Variants in C1QTNF3 observed in about 807,000 individuals in gnomAD.
C1QTNF3 encodes the protein C1q and TNF related 3.
A neutral mutation model predicts 32.6 loss-of-function variants in C1QTNF3; 26 were observed. The ratio of observed to expected loss-of-function variants is 0.80; its 90% CI spans 0.58 to 1.11. C1QTNF3 has a LOEUF of 1.11. Ranked by LOEUF, C1QTNF3 falls within the 50% of genes least tolerant of loss-of-function variation. The probability of loss-of-function intolerance (pLI) is 0.00; values close to 1 mark genes in which losing one functional copy is unlikely to be tolerated. For missense variants in C1QTNF3, 362 were observed against 398.2 expected (o/e 0.91, Z 0.77); for synonymous variants, 155 against 146.0 (o/e 1.06, Z -0.44).
At chr5:34,171,281 T>C in the C1QTNF3 span, among the ~76,000 whole-genome samples, 17 of 151,772 alleles carry the variant, frequency 1.1e-4, no homozygotes. Flanking sequence ...TTTCAGCAAG[T>C]TTATAAATCT....
the C1QTNF3 span, among the ~76,000 whole-genome samples, chr5:34,139,606 A>T: frequency 0.53 from 79,590 of 150,900 alleles, 22,187 homozygotes; most frequent in Middle Eastern, 0.62. Context: ...GAAACAATAT[A>T]TTTTTTTTTA....
At chr5:34,159,788 AAAAGT>A in the C1QTNF3 span, among the ~76,000 whole-genome samples, 6 of 152,008 alleles carry the variant, frequency 3.9e-5, no homozygotes, top group Non-Finnish European at 7.4e-5. Flanking sequence ...AGATATATAC[AAAAGT>A]AAATAATTCA....
intron 4 of C1QTNF3, among the ~76,000 whole-genome samples, chr5:34,026,588 A>AGT (rs765684691): frequency 9.9e-5 from 15 of 152,106 alleles, no homozygotes; most frequent in Non-Finnish European, 1.0e-4. Context: ...AGGTAGTGGA[A>AGT]GTGTGACCAA....
upstream of C1QTNF3, among the ~76,000 whole-genome samples, chr5:34,044,907 T>G (rs116358193): frequency 6.6e-5 from 10 of 152,188 alleles, no homozygotes; most frequent in African/African-American, 2.4e-4. Flanking sequence ...TGTGTCAAAC[T>G]GTTATTCTTA....
the C1QTNF3 span, among the ~76,000 whole-genome samples, chr5:34,141,755 T>A: frequency 6.6e-6 from 1 of 152,080 alleles, no homozygotes; most frequent in Admixed American, 6.5e-5. Context: ...GTGGTGTCAG[T>A]CAAATGGTAT....
At chr5:34,228,245 T>C in the C1QTNF3 span, among the ~76,000 whole-genome samples, 2 of 151,894 alleles carry the variant, frequency 1.3e-5, no homozygotes, top group South Asian at 2.1e-4. Flanking sequence ...CTAAACCAAG[T>C]GTCTAGGAAT....
chr5:34,047,402 G>T (rs1755005564), upstream of C1QTNF3, among the ~76,000 whole-genome samples: 3 of 152,260 alleles, frequency 2.0e-5, no homozygotes, highest in African/African-American at 7.2e-5. Flanking sequence ...TATAAGATGT[G>T]TAGGTACTCC....
chr5:34,114,743 T>G, the C1QTNF3 span, among the ~76,000 whole-genome samples: 1 of 152,188 alleles, frequency 6.6e-6, no homozygotes, highest in African/African-American at 2.4e-5. Context: ...TAGTAATAAA[T>G]TTCTGCACTT....
chr5:34,110,984 G>A, the C1QTNF3 span, among the ~76,000 whole-genome samples: 9 of 152,036 alleles, frequency 5.9e-5, no homozygotes, highest in Admixed American at 5.9e-4. Flanking sequence ...TCTTGTGCTG[G>A]AAACCTACAT....
the C1QTNF3 span, among the ~76,000 whole-genome samples, chr5:34,121,617 A>G: frequency 6.4e-4 from 97 of 152,294 alleles, no homozygotes; most frequent in African/African-American, 2.0e-3. Flanking sequence ...GTACAATTCA[A>G]GATAAGATTT....
chr5:34,101,323 T>C, the C1QTNF3 span, among the ~76,000 whole-genome samples: 56 of 151,506 alleles, frequency 3.7e-4, no homozygotes, highest in African/African-American at 1.3e-3. Flanking sequence ...TATTAATGTG[T>C]GAATTTGGAC....
the C1QTNF3 span, among the ~76,000 whole-genome samples, chr5:34,244,163 A>T: frequency 6.6e-6 from 1 of 152,180 alleles, no homozygotes; most frequent in African/African-American, 2.4e-5. Flanking sequence ...AATTCCTCAT[A>T]GCATACAAAA....
the C1QTNF3 span, among the ~76,000 whole-genome samples, chr5:34,069,024 T>C: frequency 6.8e-6 from 1 of 147,914 alleles, no homozygotes; most frequent in African/African-American, 2.5e-5. Flanking sequence ...ATCAACAAAC[T>C]CCATTAACCT....
chr5:34,038,066 C>T (rs1403146106), intron 1 of C1QTNF3, among the ~76,000 whole-genome samples: 1 of 152,182 alleles, frequency 6.6e-6, no homozygotes, highest in Non-Finnish European at 1.5e-5. Flanking sequence ...GGACTGAAAC[C>T]AGAATTTCCA....
the C1QTNF3 span, among the ~76,000 whole-genome samples, chr5:34,054,431 A>G: frequency 6.6e-6 from 1 of 152,216 alleles, no homozygotes; most frequent in Non-Finnish European, 1.5e-5. Flanking sequence ...TTTAGGCTCT[A>G]TGGACCATAG....
At chr5:34,210,099 T>G in the C1QTNF3 span, among the ~76,000 whole-genome samples, 1 of 152,058 alleles carries the variant, frequency 6.6e-6, no homozygotes, top group African/African-American at 2.4e-5. Context: ...GTCAATCTTT[T>G]TATAAAATAA....
At chr5:34,211,568 A>G in the C1QTNF3 span, among the ~76,000 whole-genome samples, 1 of 117,496 alleles carries the variant, frequency 8.5e-6, no homozygotes, top group Non-Finnish European at 1.6e-5. Flanking sequence ...CAGTCCCCAG[A>G]GTGTGATGTT....
the C1QTNF3 span, among the ~76,000 whole-genome samples, chr5:34,054,271 C>T: frequency 1.3e-5 from 2 of 152,186 alleles, no homozygotes; most frequent in Non-Finnish European, 2.9e-5. Context: ...ATTAATCCTC[C>T]ACACTGGGAA....
the C1QTNF3 span, among the ~76,000 whole-genome samples, chr5:34,159,486 T>C: frequency 1.3e-5 from 2 of 152,144 alleles, no homozygotes; most frequent in African/African-American, 4.8e-5. Flanking sequence ...AACAAGGTTG[T>C]ACAATTAATT....
Sources: allele counts gnomAD v4.1 joint callset (sites outside exome capture counted in the v4.1 genomes callset), GRCh38; gene constraint gnomAD v4.1.1; transcripts MANE v1.5; gene names NCBI Gene and HGNC (gene_info 2026-07-23, HGNC 2026-07-21).